The following NLRP4 variants were observed in gnomAD, a reference collection of about 807,000 sequenced individuals.
NLRP4 encodes NACHT, LRR and PYD domains-containing protein 4.
NLRP4 carries 44 observed loss-of-function variants against 84.7 expected under a neutral mutation model. That is an observed-to-expected ratio of 0.52 (90% CI 0.41 to 0.67). The LOEUF (loss-of-function observed/expected upper bound fraction) is 0.67, where lower values mean the gene tolerates loss of function less well. NLRP4 is among the 30% of genes least tolerant of loss of function. The probability of loss-of-function intolerance (pLI) is 0.00; values close to 1 mark genes in which losing one functional copy is unlikely to be tolerated. For synonymous variants in NLRP4, 544 were observed against 476.4 expected (o/e 1.14, Z -1.85); for missense variants, 1,260 against 1,219.4 (o/e 1.03, Z -0.50).
chr19:55,842,956 T>C (rs950160564), intron 1 of NLRP4, among the ~76,000 whole-genome samples: 1 of 152,218 alleles, frequency 6.6e-6, no homozygotes. Context: ...AGATGGGGTT[T>C]CACCGTGTTA....
intron 6 of NLRP4, among the ~76,000 whole-genome samples, chr19:55,868,575 T>A (rs1403629558): frequency 6.6e-6 from 1 of 151,194 alleles, no homozygotes; most frequent in African/African-American, 2.4e-5. Flanking sequence ...TGATCTTGGC[T>A]TATCGCAACC....
At chr19:55,849,656 C>CA (rs1158369079) in intron 1 of NLRP4, among the ~76,000 whole-genome samples, 1 of 152,240 alleles carries the variant, frequency 6.6e-6, no homozygotes, top group Non-Finnish European at 1.5e-5. Context: ...GTGCCTTTGT[C>CA]AAAATGAGTT....
chr19:55,873,604 T>C (rs755462009), intron 7 of NLRP4, among the ~76,000 whole-genome samples: 61 of 152,310 alleles, frequency 4.0e-4, no homozygotes, highest in Non-Finnish European at 6.6e-4. Flanking sequence ...CTGTTCACTT[T>C]AATATAGTTA....
At chr19:55,840,503 C>T (rs950629660) in intron 1 of NLRP4, among the ~76,000 whole-genome samples, 1 of 152,156 alleles carries the variant, frequency 6.6e-6, no homozygotes, top group African/African-American at 2.4e-5. Flanking sequence ...CCTGCCTCAG[C>T]CTCCCGAGTA....
At chr19:55,849,792 AGCTGCGGTGT>A (rs1983943866) in intron 1 of NLRP4, among the ~76,000 whole-genome samples, 1 of 149,540 alleles carries the variant, frequency 6.7e-6, no homozygotes, top group African/African-American at 2.5e-5. Context: ...TAATTTCCAA[AGCTGCGGTGT>A]AATTTCCAAA....
intron 3 of NLRP4, 79 bp from the exon 4 acceptor site, chr19:55,861,307 C>A: frequency 8.3e-7 from 1 of 1,200,114 alleles, no homozygotes; most frequent in Non-Finnish European, 1.2e-6. Flanking sequence ...TTTGAGAAGA[C>A]AGCGTAGTGC....
At chr19:55,863,525 T>C (rs11084414) in intron 5 of NLRP4, among the ~76,000 whole-genome samples, 34,723 of 151,942 alleles carry the variant, frequency 0.23, 4,174 homozygotes, top group Middle Eastern at 0.34. Flanking sequence ...GCGTGAGGAC[T>C]CTGTCACAGG....
At chr19:55,854,751 C>T (rs1271321134) in intron 2 of NLRP4, among the ~76,000 whole-genome samples, 1 of 152,134 alleles carries the variant, frequency 6.6e-6, no homozygotes, top group Admixed American at 6.5e-5. Flanking sequence ...CGGAGTTTCA[C>T]TCTTTCACCC....
rs1568667677 is a variant in NLRP4, at chr19:55,862,067, C to A, written c.2094C>A (p.Tyr698Ter). The A allele has an allele frequency of 6.2e-7, 1 of 1,612,300 alleles. No individual in the cohort carries two copies. The highest frequency in any genetic ancestry group is 1.1e-5 in the South Asian group (1 of 91,036). Reference protein sequence around the residue: ...EVLFYQPDLKYLSFTLTKLSR... With the variant: ...EVLFYQPDLK ...TCTTTTATCAGCCAGACTTGAAATA[C>A]CTGAGCTTCACCCTCACGAAACTCT... The change falls in exon 5 of 10, where the codon TAC becomes TAA. Residue 698 changes from tyrosine to a stop codon, truncating the protein, a stop_gained. Coordinates refer to ENST00000301295, the MANE Select transcript of NLRP4 (RefSeq NM_134444.5). LOFTEE classifies it high-confidence loss of function.
chr19:55,854,583 G>A (rs1984335875), intron 2 of NLRP4, among the ~76,000 whole-genome samples: 1 of 152,018 alleles, frequency 6.6e-6, no homozygotes, highest in Non-Finnish European at 1.5e-5. Context: ...GTAGTTACAG[G>A]GAAATTTCCT....
chr19:55,869,345 AAG>A (rs1005451437), intron 6 of NLRP4, among the ~76,000 whole-genome samples: 30 of 151,452 alleles, frequency 2.0e-4, no homozygotes, highest in African/African-American at 7.3e-4. Flanking sequence ...GCCTGGGTGA[AAG>A]AGCAAGACTG....
chr19:55,880,908 T>TA (rs2099895504), intron 9 of NLRP4, among the ~76,000 whole-genome samples: 1 of 152,206 alleles, frequency 6.6e-6, no homozygotes, highest in African/African-American at 2.4e-5. Flanking sequence ...GATAGGCATG[T>TA]AAAAAGCCTT....
intron 1 of NLRP4, among the ~76,000 whole-genome samples, chr19:55,851,733 A>G (rs544852001): frequency 4.0e-5 from 6 of 148,592 alleles, no homozygotes; most frequent in Non-Finnish European, 8.9e-5. Flanking sequence ...GTAATTTCCG[A>G]AGCTGCGGTG....
At chr19:55,856,464 CG>C (rs1984417687) in intron 2 of NLRP4, among the ~76,000 whole-genome samples, 1 of 150,526 alleles carries the variant, frequency 6.6e-6, no homozygotes, top group Non-Finnish European at 1.5e-5. Flanking sequence ...ATCTTAGCTA[CG>C]AGGGGTTGTG....
rs563002518 is a variant in NLRP4 at position 55,848,473 on chromosome 19, G to A, written c.-65-3543G>A. Among the ~76,000 whole-genome samples, 18 of 151,978 alleles carry A rather than the reference G, an allele frequency of 1.2e-4. No homozygotes were observed. The East Asian group carries it at 1.7e-3, about 15-fold the overall frequency. On this transcript the variant is annotated intron_variant, in intron 1 of 9. Transcript: ENST00000301295. ...GGCTAGAGTGCAGTGGCACGATCTC[G>A]GCTCACTGCAACCTCCACCTCCTGG...
chr19:55,859,495 A>C (rs1056446805), intron 3 of NLRP4, among the ~76,000 whole-genome samples: 8 of 152,190 alleles, frequency 5.3e-5, no homozygotes, highest in Non-Finnish European at 1.2e-4. Flanking sequence ...TGAGGAGTGA[A>C]TATGAGGACC....
intron 2 of NLRP4, among the ~76,000 whole-genome samples, chr19:55,853,911 CTTTCTT>C (rs1984298157): frequency 2.4e-5 from 3 of 122,868 alleles, no homozygotes; most frequent in African/African-American, 1.4e-4. Flanking sequence ...CTCTCTTTCT[CTTTCTT>C]TCTCTTTCTC....
chr19:55,879,388 G>A (rs1196188245), intron 9 of NLRP4, among the ~76,000 whole-genome samples: 1 of 152,162 alleles, frequency 6.6e-6, no homozygotes, highest in Non-Finnish European at 1.5e-5. Context: ...GGGTTTTATA[G>A]ACGAGCTGGT....
chr19:55,871,018 T>C lies in NLRP4; in HGVS notation c.2525+21T>C, dbSNP rs1409113499. 2.5e-6 allele frequency: 4 copies of C among 1,610,626 alleles called. No individual in the cohort carries two copies. In the East Asian group the frequency reaches 6.7e-5, roughly 27 times the overall value. On this transcript the variant is annotated intron_variant, in intron 7 of 9. Transcript: ENST00000301295. ...CTGTGGTAGGCTTTTTGCTGTTTCT[T>C]TGAAGACCAAGCCGTCTTTTCAAGG...
Sources: allele counts gnomAD v4.1 joint callset (sites outside exome capture counted in the v4.1 genomes callset), GRCh38; gene constraint gnomAD v4.1.1; transcripts MANE v1.5; gene names NCBI Gene and HGNC (gene_info 2026-07-23, HGNC 2026-07-21).